The following TRAPPC8 variants were observed in gnomAD, a reference collection of about 807,000 sequenced individuals.
The protein encoded by TRAPPC8 is trafficking protein particle complex subunit 8, also known as general sporulation gene 1 homolog.
Under a neutral mutation model 174.3 loss-of-function variants are expected in TRAPPC8, and 54 were observed. That is an observed-to-expected ratio of 0.31 (90% CI 0.25 to 0.39). The LOEUF is 0.39. Ranked by LOEUF, TRAPPC8 falls within the 10% of genes least tolerant of loss-of-function variation. TRAPPC8 has a pLI of 1.00. For synonymous variants in TRAPPC8, 630 were observed against 579.9 expected, an observed-to-expected ratio of 1.09 and a Z score of -1.24; for missense variants, 1,531 against 1,699.1, an observed-to-expected ratio of 0.90 and a Z score of 1.74.
chr18:31,882,625 TA>T (rs1471974351), intron 12 of TRAPPC8, among the ~76,000 whole-genome samples: 6 of 152,016 alleles, frequency 3.9e-5, no homozygotes, highest in Non-Finnish European at 8.8e-5. Context: ...TTTTTATTTT[TA>T]TTTTTTTCGA....
Position 31,900,951 on chromosome 18 carries a change from T to C in TRAPPC8, c.1464A>G (p.Ala488=). The C allele has an allele frequency of 6.3e-7, 1 of 1,596,408 alleles. No homozygotes were observed. The highest frequency in any genetic ancestry group is 1.8e-5 in the Admixed American group (1 of 55,030). The change falls in exon 10 of 29, where the codon GCA becomes GCG. Residue 488 remains alanine, a synonymous_variant. Transcript: ENST00000283351. ...RPYPAHYMDT[A]IQTYRDICKN... ...TGCAGATATCTCTGTATGTCTGAATTGCTGTATCCATGTAATGAGCAGGAT... is the reference window on the plus strand; with the variant it reads ...TGCAGATATCTCTGTATGTCTGAATCGCTGTATCCATGTAATGAGCAGGAT...
At chr18:31,890,613 CCAATA>C (rs1242126077) in intron 12 of TRAPPC8, 117 bp downstream of exon 12, 30 of 1,107,380 alleles carry the variant, frequency 2.7e-5, no homozygotes, top group Non-Finnish European at 8.6e-6. Flanking sequence ...CACGCCCTTA[CCAATA>C]CATTACCTCA....
chr18:31,907,748 A>C, intron 8 of TRAPPC8, 138 bp from the exon 9 acceptor site: 1 of 664,050 alleles, frequency 1.5e-6, no homozygotes, highest in Non-Finnish European at 2.2e-6. Flanking sequence ...TACCTCCAAC[A>C]AGAGTGTCAG....
At chr18:31,896,713 C>G (rs1446228112) in intron 11 of TRAPPC8, among the ~76,000 whole-genome samples, 1 of 152,072 alleles carries the variant, frequency 6.6e-6, no homozygotes, top group Non-Finnish European at 1.5e-5. Flanking sequence ...GCAACCTCCA[C>G]CTTGTGCTCA....
At chr18:31,923,319 G>A (rs1247850382) in intron 2 of TRAPPC8, among the ~76,000 whole-genome samples, 12 of 152,166 alleles carry the variant, frequency 7.9e-5, no homozygotes, top group Admixed American at 7.9e-4. Flanking sequence ...CGAAGTAGGT[G>A]AGAAAAATCT....
At chr18:31,851,617 A>G (rs1350074954) in intron 24 of TRAPPC8, among the ~76,000 whole-genome samples, 1 of 151,820 alleles carries the variant, frequency 6.6e-6, no homozygotes, top group East Asian at 1.9e-4. Context: ...TCAGCCTCCC[A>G]AAGTGCTGAA....
chr18:31,870,778 G>T, intron 15 of TRAPPC8, 148 bp downstream of exon 15: 1 of 814,238 alleles, frequency 1.2e-6, no homozygotes, highest in Non-Finnish European at 1.8e-6. Flanking sequence ...CCCCTTGTCT[G>T]GTTTTATAAA....
chr18:31,849,501 T>C, intron 25 of TRAPPC8, 65 bp downstream of exon 25: 1 of 1,316,172 alleles, frequency 7.6e-7, no homozygotes, highest in Non-Finnish European at 1.0e-6. Flanking sequence ...AATATACGTT[T>C]GTGCTTAGCT....
In TRAPPC8 at chr18:31,908,930, C is replaced by G; in HGVS notation, c.946G>C (p.Asp316His). ...SDPSNSIDGP[D>H]HLRSASSLHE... Reference sequence around the variant, plus strand: ...AACGATGAAGCAGATCTTAGATGATCTGGGCCATCAATACTGTTAGAAGGG... The same window carrying G: ...AACGATGAAGCAGATCTTAGATGATGTGGGCCATCAATACTGTTAGAAGGG... The change falls in exon 7 of 29, where the codon GAT (aspartate) becomes CAT (histidine). Residue 316 changes from aspartate (D) to histidine (H), a missense_variant. By Grantham distance (81) the Asp-to-His change is moderately conservative (BLOSUM62 -1). Coordinates refer to ENST00000283351, the MANE Select transcript of TRAPPC8 (RefSeq NM_014939.5). 2 of 1,613,714 alleles carry G rather than the reference C, an allele frequency of 1.2e-6. No homozygotes were observed. Among genetic ancestry groups the G allele is most frequent in the Non-Finnish European group, 8.5e-7 (1 of 1,179,784 alleles).
chr18:31,941,626 T>C (rs893633899), intron 1 of TRAPPC8, among the ~76,000 whole-genome samples: 2 of 152,170 alleles, frequency 1.3e-5, no homozygotes, highest in Non-Finnish European at 2.9e-5. Flanking sequence ...AGCTAATTTA[T>C]AATGGAACTA....
rs375136097 is a variant in TRAPPC8 at position 31,870,920 on chromosome 18, T to C, written c.2257+6A>G. The C allele has an allele frequency of 7.8e-6, 12 of 1,539,402 alleles. No homozygotes were observed. The African/African-American group carries it at 1.7e-4, about 21-fold the overall frequency. ...AAAAACAGAAATAAAAATTCAAGTATATCACCTTCTACAACTGCAAGTGGA... is the reference window on the plus strand; with the variant it reads ...AAAAACAGAAATAAAAATTCAAGTACATCACCTTCTACAACTGCAAGTGGA... On this transcript the variant is annotated splice_donor_region_variant and intron_variant, in intron 15 of 28. Coordinates refer to ENST00000283351, the MANE Select transcript of TRAPPC8 (RefSeq NM_014939.5).
In TRAPPC8 at chr18:31,832,069, T is replaced by C. The variant is rs747366052; in HGVS notation, c.4073+15A>G. ...GCTCCCAAATCAAATAACCTTGCAC[T>C]AAACAAATCTTTACCTTGTTGTTTT... On this transcript the variant is annotated intron_variant, in intron 28 of 28. Transcript: ENST00000283351. The C allele has an allele frequency of 1.3e-6, 2 of 1,506,518 alleles. No individual in the cohort carries two copies. The highest frequency in any genetic ancestry group is 1.8e-6 in the Non-Finnish European group (2 of 1,123,872). The allele number at this position is 1,506,518 out of a possible 1,614,324, so 93.3% of individuals were successfully genotyped here.
At chr18:31,917,043 AATG>A (rs1167575666) in intron 3 of TRAPPC8, among the ~76,000 whole-genome samples, 12 of 151,722 alleles carry the variant, frequency 7.9e-5, no homozygotes, top group Admixed American at 7.2e-4. Context: ...CTTCAACAGA[AATG>A]AATTCTGCTG....
intron 12 of TRAPPC8, among the ~76,000 whole-genome samples, chr18:31,881,011 A>G (rs1405212453): frequency 6.6e-6 from 1 of 152,138 alleles, no homozygotes; most frequent in Non-Finnish European, 1.5e-5. Flanking sequence ...AAAAGAACAA[A>G]AAAAACCCAC....
intron 11 of TRAPPC8, chr18:31,895,713 T>C (rs2036156480): frequency 6.6e-6 from 1 of 152,194 alleles, no homozygotes; most frequent in African/African-American, 2.4e-5. Flanking sequence ...TGATAATCCT[T>C]AGGTTGAAGA....
chr18:31,874,318 T>C, intron 13 of TRAPPC8, 162 bp downstream of exon 13: 1 of 651,438 alleles, frequency 1.5e-6, no homozygotes, highest in Non-Finnish European at 2.6e-6. Context: ...AGGGGCAATG[T>C]AACCAAGATC....
At chr18:31,942,523 C>A in intron 1 of TRAPPC8, 85 bp downstream of exon 1, 1 of 1,416,460 alleles carries the variant, frequency 7.1e-7, no homozygotes, top group East Asian at 2.8e-5. Flanking sequence ...TAAACACTGC[C>A]CTTCTCTTCC....
Position 31,916,870 on chromosome 18 carries a change from A to G in TRAPPC8, c.443-424T>C, listed in dbSNP as rs186230291. Among the ~76,000 whole-genome samples, 50 of 148,508 alleles carry G rather than the reference A, an allele frequency of 3.4e-4. No homozygotes were observed. The East Asian group carries it at 9.7e-3, about 29-fold the overall frequency. The stretch of plus-strand genomic sequence containing the variant: ...GCAAAAAAAAAAAAAAAAAAATCCA[A>G]TTTCATTGGTTTTAATTGCAAGCAC... On this transcript the variant is annotated intron_variant, in intron 3 of 28. Coordinates refer to ENST00000283351, the MANE Select transcript of TRAPPC8 (RefSeq NM_014939.5).
rs1053436278 is a variant in TRAPPC8 at position 31,941,934 on chromosome 18, T to A, written c.157+674A>T. ...TCATTAACAAGAGAAGACATTTCCATCCCTATAACTATAGATAACTCCAAA... is the reference window on the plus strand; with the variant it reads ...TCATTAACAAGAGAAGACATTTCCAACCCTATAACTATAGATAACTCCAAA... On this transcript the variant is annotated intron_variant, in intron 1 of 28. Coordinates refer to ENST00000283351, the MANE Select transcript of TRAPPC8 (RefSeq NM_014939.5). 2.6e-5 allele frequency among the ~76,000 whole-genome samples: 4 copies of A among 152,314 alleles called. No individual in the cohort carries two copies. The South Asian group carries it at 6.2e-4, about 24-fold the overall frequency.
Sources: gnomAD v4.1 joint callset for allele counts (sites outside exome capture counted in the v4.1 genomes callset) on GRCh38, gnomAD v4.1.1 for gene constraint, MANE v1.5 for transcripts, NCBI Gene and HGNC (gene_info 2026-07-23, HGNC 2026-07-21) for gene names.